ABHD12: variants seen among roughly 807,000 people sequenced by gnomAD.
ABHD12 encodes the protein abhydrolase domain containing 12, lysophospholipase, also known as lysophosphatidylserine lipase ABHD12.
Under a neutral mutation model 58.3 loss-of-function variants are expected in ABHD12, and 43 were observed. That is an observed-to-expected ratio of 0.74 (90% CI 0.58 to 0.95). The LOEUF is 0.95. Among genes scored for constraint, ABHD12 ranks in the 40% least tolerant of loss-of-function variants. The pLI is 0.00. For missense variants in ABHD12, 539 were observed against 537.2 expected (o/e 1.00, Z -0.03); for synonymous variants, 219 against 211.2 (o/e 1.04, Z -0.32).
chr20:25,330,710 A>T (rs948413960), intron 2 of ABHD12, among the ~76,000 whole-genome samples: 1 of 152,150 alleles, frequency 6.6e-6, no homozygotes, highest in Non-Finnish European at 1.5e-5. Flanking sequence ...GCAGACTGAC[A>T]CCTCACACGG....
chr20:25,299,830 G>C (rs958293903), downstream of ABHD12, among the ~76,000 whole-genome samples: 1 of 152,188 alleles, frequency 6.6e-6, no homozygotes, highest in Non-Finnish European at 1.5e-5. Context: ...ACCCTGGCCA[G>C]GAGGGGGACC....
intron 2 of ABHD12, among the ~76,000 whole-genome samples, chr20:25,324,813 C>T (rs2089145268): frequency 6.6e-6 from 1 of 152,154 alleles, no homozygotes. Flanking sequence ...CATCTCTTTC[C>T]CAGGAAGCAG....
intron 2 of ABHD12, among the ~76,000 whole-genome samples, chr20:25,329,622 TG>T (rs2089234638): frequency 6.6e-6 from 1 of 152,238 alleles, no homozygotes; most frequent in Admixed American, 6.5e-5. Flanking sequence ...GCAAAATATT[TG>T]TTGCGGGAAA....
intron 1 of ABHD12, among the ~76,000 whole-genome samples, chr20:25,366,658 T>C (rs933688421): frequency 6.6e-6 from 1 of 152,242 alleles, no homozygotes; most frequent in Non-Finnish European, 1.5e-5. Context: ...ACTCCTGTTT[T>C]CTTCTAGTAC....
chr20:25,309,669 G>A (rs1273610483), intron 6 of ABHD12, 94 bp from the exon 7 acceptor site: 3 of 1,573,016 alleles, frequency 1.9e-6, no homozygotes, highest in Non-Finnish European at 1.7e-6. Context: ...GCCAGGAGGA[G>A]ACAGGGAGGG....
At chr20:25,302,885 G>A (rs1438941234) in intron 11 of ABHD12, among the ~76,000 whole-genome samples, 1 of 152,174 alleles carries the variant, frequency 6.6e-6, no homozygotes, top group Non-Finnish European at 1.5e-5. Context: ...AGTGCTCCCA[G>A]CCCTGGGCTG....
At chr20:25,354,894 T>C (rs1204905289) in intron 1 of ABHD12, among the ~76,000 whole-genome samples, 1 of 152,182 alleles carries the variant, frequency 6.6e-6, no homozygotes, top group African/African-American at 2.4e-5. Context: ...ATCTATCCCT[T>C]CTTTTACCTG....
intron 1 of ABHD12, among the ~76,000 whole-genome samples, chr20:25,361,927 C>T (rs970341135): frequency 1.3e-5 from 2 of 151,820 alleles, no homozygotes; most frequent in African/African-American, 4.8e-5. Context: ...TGCACTCCAG[C>T]CTGGGGGACA....
chr20:25,388,970 C>A (rs1267665110), intron 1 of ABHD12, among the ~76,000 whole-genome samples: 1 of 151,918 alleles, frequency 6.6e-6, no homozygotes, highest in Admixed American at 6.6e-5. Context: ...CCACGCCCGG[C>A]TAATTTTGTA....
At chr20:25,312,999 G>A (rs2088889649) in intron 6 of ABHD12, among the ~76,000 whole-genome samples, 1 of 150,984 alleles carries the variant, frequency 6.6e-6, no homozygotes, top group African/African-American at 2.4e-5. Context: ...CACCCCGTCT[G>A]GGAGGTGGGG....
intron 1 of ABHD12, among the ~76,000 whole-genome samples, chr20:25,388,455 CA>C (rs2090123987): frequency 6.6e-6 from 1 of 152,074 alleles, no homozygotes; most frequent in African/African-American, 2.4e-5. Flanking sequence ...ACAAGGTCGA[CA>C]GGAGTGGGCT....
intron 4 of ABHD12, among the ~76,000 whole-genome samples, chr20:25,318,676 T>G (rs2089009094): frequency 1.3e-5 from 2 of 152,044 alleles, no homozygotes; most frequent in Non-Finnish European, 2.9e-5. Flanking sequence ...TTTTTTTTTT[T>G]TTTAACCATG....
intron 1 of ABHD12, among the ~76,000 whole-genome samples, chr20:25,380,091 C>A (rs2090004962): frequency 6.6e-6 from 1 of 152,134 alleles, no homozygotes; most frequent in Admixed American, 6.5e-5. Context: ...ATAGTTGAGC[C>A]CTTTCTTTAG....
At chr20:25,364,030 T>G (rs1158218260) in intron 1 of ABHD12, among the ~76,000 whole-genome samples, 1 of 152,184 alleles carries the variant, frequency 6.6e-6, no homozygotes, top group Non-Finnish European at 1.5e-5. Context: ...CTCCTTGTGC[T>G]GAGAATGGAG....
chr20:25,314,979 T>A lies in ABHD12; in HGVS notation c.574-9A>T. On this transcript the variant is annotated splice_polypyrimidine_tract_variant and intron_variant, in intron 5 of 12. Coordinates refer to ENST00000339157, the MANE Select transcript of ABHD12 (RefSeq NM_001042472.3). ...CCAAGGGAACTCAGCACCTGTAAAGTGAAAAATAAACATCTTTGGCAACAA... is the reference window on the plus strand; with the variant it reads ...CCAAGGGAACTCAGCACCTGTAAAGAGAAAAATAAACATCTTTGGCAACAA... 1 of 1,614,164 alleles carries A rather than the reference T, an allele frequency of 6.2e-7. No individual in the cohort carries two copies. The highest frequency in any genetic ancestry group is 1.1e-5 in the South Asian group (1 of 91,084).
rs193047195 is a variant in ABHD12, at chr20:25,389,484, G to A, written c.191+1029C>T. Among the ~76,000 whole-genome samples the A allele has an allele frequency of 3.3e-5, 5 of 152,174 alleles. No individual in the cohort carries two copies. In the East Asian group the frequency reaches 7.7e-4, roughly 24 times the overall value. On this transcript the variant is annotated intron_variant, in intron 1 of 12. Coordinates refer to ENST00000339157, the MANE Select transcript of ABHD12 (RefSeq NM_001042472.3). ...AAAAAAGAAGTGCCTCTGCTACAAC[G>A]CCTGAGATCATCATATAGTAACTTC... is the stretch of plus-strand genomic sequence containing the variant.
chr20:25,339,506 T>C, intron 1 of ABHD12, 155 bp from the exon 2 acceptor site: 1 of 1,392,310 alleles, frequency 7.2e-7, no homozygotes, highest in Admixed American at 2.0e-5. Context: ...CCACCTGCCT[T>C]CACTCAAGTA....
chr20:25,383,051 A>C (rs1170658852), intron 1 of ABHD12, among the ~76,000 whole-genome samples: 2 of 152,228 alleles, frequency 1.3e-5, no homozygotes, highest in Non-Finnish European at 2.9e-5. Context: ...TGGATGAAGC[A>C]GACTTTAACC....
At chr20:25,333,750 T>A (rs1364833146) in intron 2 of ABHD12, among the ~76,000 whole-genome samples, 1 of 151,774 alleles carries the variant, frequency 6.6e-6, no homozygotes, top group African/African-American at 2.4e-5. Flanking sequence ...TCTGACAAAA[T>A]TCAACAACCC....
Sources: allele counts gnomAD v4.1 joint callset (sites outside exome capture counted in the v4.1 genomes callset), GRCh38; gene constraint gnomAD v4.1.1; transcripts MANE v1.5; gene names NCBI Gene and HGNC (gene_info 2026-07-23, HGNC 2026-07-21).